The following OXLD1 variants were observed in gnomAD, a reference collection of about 807,000 sequenced individuals.
The protein encoded by OXLD1 is oxidoreductase-like domain-containing protein 1.
In OXLD1, 4 loss-of-function variants were observed where a neutral mutation model predicts 3.1. The observed-to-expected ratio is 1.28, with a 90% CI of 0.63 to 2.92. OXLD1 has a LOEUF of 2.92. OXLD1 is among the 30% of genes most tolerant of loss of function. The pLI is 0.01. For synonymous variants in OXLD1, 100 were observed against 87.0 expected (o/e 1.15, Z -0.83); for missense variants, 240 against 204.6 (o/e 1.17, Z -1.05).
rs2036627271 is a variant in OXLD1, at chr17:81,666,540, A to T, written c.38T>A (p.Val13Glu). Reference protein sequence around the residue: ...LRRVVEGGRAVAAAVRGSGAR... With the variant: ...LRRVVEGGRAEAAAVRGSGAR... ...TGCCGAGCCACGGACCGCGGCGGCT[A>T]CCGCCCGGCCTCCCTCGACCACCCT... is the stretch of plus-strand genomic sequence containing the variant. Residue 13 changes from valine (V) to glutamate (E), a missense_variant, in exon 1 of 2, where the codon GTA becomes GAA. Coordinates refer to ENST00000374741, the MANE Select transcript of OXLD1 (RefSeq NM_001039842.3). The T allele has an allele frequency of 1.3e-6, 2 of 1,520,260 alleles. No individual in the cohort carries two copies. Among genetic ancestry groups the T allele is most frequent in the Admixed American group, 2.0e-5 (1 of 50,054 alleles). The allele number at this position is 1,520,260 out of a possible 1,614,324, so 94.2% of individuals were successfully genotyped here.
intron 1 of OXLD1, 166 bp downstream of exon 1, chr17:81,666,352 G>A: frequency 1.3e-6 from 1 of 748,946 alleles, no homozygotes; most frequent in Non-Finnish European, 2.0e-6. Context: ...AGCCGATGGA[G>A]GAGAGGAGCG....
At chr17:81,666,128 C>T in intron 1 of OXLD1, 1 of 425,026 alleles carries the variant, frequency 2.4e-6, no homozygotes, top group Non-Finnish European at 4.2e-6. Flanking sequence ...TACCCAGGAT[C>T]ACGGACTGAC....
At position 81,665,147 on chromosome 17, in the gene OXLD1, G is replaced by A. The variant is rs888524357; in HGVS notation, c.*54C>T. On this transcript the variant is annotated 3_prime_UTR_variant, in exon 2 of 2. Coordinates refer to ENST00000374741, the MANE Select transcript of OXLD1 (RefSeq NM_001039842.3). The stretch of plus-strand genomic sequence containing the variant: ...CTGTGAGGGGGTGTGAAGGAAGGAG[G>A]CTGCGGCTGCGTCCTGGACTCCGTC... The A allele has an allele frequency of 1.3e-6, 2 of 1,530,784 alleles. No homozygotes were observed. Among genetic ancestry groups the A allele is most frequent in the Non-Finnish European group, 8.8e-7 (1 of 1,136,724 alleles). The allele number at this position is 1,530,784 out of a possible 1,614,324, so 94.8% of individuals were successfully genotyped here. A position where few individuals can be genotyped will look rare whatever the true frequency, so the allele number is the denominator to read the frequency against.
rs2036574476 is a variant in OXLD1, at chr17:81,665,213, C to T, written c.432G>A (p.Arg144=). 6.2e-7 allele frequency: 1 copy of T among 1,610,644 alleles called. No individual in the cohort carries two copies. Among genetic ancestry groups the T allele is most frequent in the Non-Finnish European group, 8.5e-7 (1 of 1,178,140 alleles). The change falls in exon 2 of 2, where the codon AGG becomes AGA. Residue 144 remains arginine, a synonymous_variant. Transcript: ENST00000374741. ...CAGCAGGGATGGCTCAGCCTCCGCA[C>T]CTGGTGTGCAGCCGGATCTCCATCC... ...FLRMEIRLHT[R]CGG
rs1437059129 is a variant in OXLD1, at chr17:81,665,312, G to A, written c.333C>T (p.Phe111=). ...CCAGGGCCCGCTCCCCACCGTCCTGGAAGTGCTGCAGCAGCCTGTCCGCGT... is the reference window on the plus strand; with the variant it reads ...CCAGGGCCCGCTCCCCACCGTCCTGAAAGTGCTGCAGCAGCCTGTCCGCGT... The part of the protein sequence containing the change: ...VEYADRLLQH[F]QDGGERALAA... The change falls in exon 2 of 2, where the codon TTC becomes TTT. Residue 111 remains phenylalanine, a synonymous_variant. Coordinates refer to ENST00000374741, the MANE Select transcript of OXLD1 (RefSeq NM_001039842.3). 3 of 1,613,542 alleles carry A rather than the reference G, an allele frequency of 1.9e-6. No individual in the cohort carries two copies. Among genetic ancestry groups the A allele is most frequent in the Non-Finnish European group, 2.5e-6 (3 of 1,180,032 alleles).
chr17:81,665,878 C>T (rs1305660466), intron 1 of OXLD1: 3 of 473,994 alleles, frequency 6.3e-6, no homozygotes, highest in East Asian at 7.2e-5. Context: ...CACTCGACAC[C>T]TCCAGCTAAG....
intron 1 of OXLD1, 92 bp from the exon 2 acceptor site, chr17:81,665,676 G>A: frequency 7.0e-7 from 1 of 1,418,996 alleles, no homozygotes; most frequent in South Asian, 1.4e-5. Flanking sequence ...TCCTGTCATT[G>A]GGCAACTGGC....
At position 81,665,083 on chromosome 17, in the gene OXLD1, A is replaced by G; in HGVS notation, c.*118T>C. The G allele has an allele frequency of 7.8e-7, 1 of 1,283,602 alleles. No homozygotes were observed. Among genetic ancestry groups the G allele is most frequent in the Non-Finnish European group, 1.1e-6 (1 of 943,712 alleles). 79.5% of individuals were successfully genotyped at this position (1,283,602 alleles called of 1,614,324 possible). ...ATTTATTTTTTTCTCAGGTGAAGTC[A>G]GTAACTAATTCTTCCTATTCCCGTT... is the stretch of plus-strand genomic sequence containing the variant. On this transcript the variant is annotated 3_prime_UTR_variant, in exon 2 of 2. Transcript: ENST00000374741.
At chr17:81,666,305 G>T in intron 1 of OXLD1, 1 of 531,440 alleles carries the variant, frequency 1.9e-6, no homozygotes, top group Middle Eastern at 3.4e-4. Flanking sequence ...AAGGCTAAGC[G>T]GCCCCTCCAC....
At position 81,666,522 on chromosome 17, in the gene OXLD1, C is replaced by A; in HGVS notation, c.56G>T (p.Gly19Val). The A allele has an allele frequency of 6.6e-7, 1 of 1,524,850 alleles. No homozygotes were observed. The highest frequency in any genetic ancestry group is 2.0e-5 in the Admixed American group (1 of 50,356). The allele number at this position is 1,524,850 out of a possible 1,614,324, so 94.5% of individuals were successfully genotyped here. The change falls in exon 1 of 2, where the codon GGC becomes GTC. Residue 19 changes from glycine (G) to valine (V), a missense_variant. Physicochemically the swap from Gly to Val is moderately radical, Grantham distance 109. Transcript: ENST00000374741. ...AAGACCCGTCCTGGTACTTGCCGAG[C>A]CACGGACCGCGGCGGCTACCGCCCG... ...GGRAVAAAVR[G>V]SGARRFSSPD...
rs137869680 is a variant in OXLD1, at chr17:81,665,217, G to A, written c.428C>T (p.Thr143Ile). The A allele has an allele frequency of 7.4e-6, 12 of 1,611,462 alleles. No individual in the cohort carries two copies. Among genetic ancestry groups the A allele is most frequent in the African/African-American group, 4.0e-5 (3 of 75,030 alleles). Reference protein sequence around the residue: ...AFLRMEIRLHTRCGG With the variant: ...AFLRMEIRLHIRCGG The stretch of plus-strand genomic sequence containing the variant: ...AGGGATGGCTCAGCCTCCGCACCTG[G>A]TGTGCAGCCGGATCTCCATCCTGAG... Residue 143 changes from threonine to isoleucine, a missense_variant, in exon 2 of 2, where the codon ACC becomes ATC. Transcript: ENST00000374741.
chr17:81,665,812 G>A (rs1431789691), intron 1 of OXLD1: 2 of 575,640 alleles, frequency 3.5e-6, no homozygotes, highest in East Asian at 3.1e-5. Flanking sequence ...AGAAGTGCCA[G>A]GATCAGGGCC....
At position 81,665,443 on chromosome 17, in the gene OXLD1, C is replaced by T; in HGVS notation, c.202G>A (p.Ala68Thr). The change falls in exon 2 of 2, where the codon GCA (alanine) becomes ACA (threonine). Residue 68 changes from alanine to threonine, a missense_variant. Physicochemically the swap from Ala to Thr is moderately conservative, Grantham distance 58. Transcript: ENST00000374741. ...GGCGGCCTGGTGCCGTCCGCACCTG[C>T]TTGGGAGCCCACCTCTACGTGGTCT... is the stretch of plus-strand genomic sequence containing the variant. ...GTDHVEVGSQ[A>T]GADGTRPPKA... 6.2e-7 allele frequency: 1 copy of T among 1,613,520 alleles called. No individual in the cohort carries two copies. Among genetic ancestry groups the T allele is most frequent in the African/African-American group, 1.3e-5 (1 of 75,060 alleles).
In OXLD1 at chr17:81,665,238, C is replaced by T; in HGVS notation, c.407G>A (p.Arg136Lys). ...CCTGGTGTGCAGCCGGATCTCCATC[C>T]TGAGGAAGGCCTTGAGGTTCTCATC... ...VADENLKAFL[R>K]MEIRLHTRCG... Residue 136 changes from arginine (R) to lysine (K), a missense_variant, in exon 2 of 2, where the codon AGG (arginine) becomes AAG (lysine). Arg to Lys is a conservative substitution (Grantham distance 26). Coordinates refer to ENST00000374741, the MANE Select transcript of OXLD1 (RefSeq NM_001039842.3). 3 of 1,613,162 alleles carry T rather than the reference C, an allele frequency of 1.9e-6. No homozygotes were observed. Among genetic ancestry groups the T allele is most frequent in the Non-Finnish European group, 2.5e-6 (3 of 1,179,744 alleles).
chr17:81,666,497 A>G, intron 1 of OXLD1, 21 bp downstream of exon 1: 1 of 1,534,596 alleles, frequency 6.5e-7, no homozygotes, highest in South Asian at 1.2e-5. Flanking sequence ...CGGCGCTGCC[A>G]AGACCCGTCC....
At chr17:81,666,447 C>A in intron 1 of OXLD1, 71 bp downstream of exon 1, 2 of 1,498,900 alleles carry the variant, frequency 1.3e-6, no homozygotes, top group Non-Finnish European at 1.8e-6. Context: ...CCTCCCGGTA[C>A]GTGCGGGCCC....
Position 81,665,593 on chromosome 17 carries a change from GCAGA to G in OXLD1, c.61-13_61-10del. On this transcript the variant is annotated splice_polypyrimidine_tract_variant and intron_variant, in intron 1 of 1. Transcript: ENST00000374741. ...GAGAACCGGCGAGCCCCCTGAGGAT[GCAGA>G]CAAACATGTGACTCTCCAGGAAGCT... 6.4e-7 allele frequency: 1 copy of G among 1,569,642 alleles called. No individual in the cohort carries two copies. The highest frequency in any genetic ancestry group is 8.7e-7 in the Non-Finnish European group (1 of 1,155,288).
At chr17:81,666,246 G>A in intron 1 of OXLD1, 1 of 491,582 alleles carries the variant, frequency 2.0e-6, no homozygotes, top group Non-Finnish European at 3.6e-6. Flanking sequence ...GCGCTCGGCA[G>A]ATACTGAGAA....
rs754964325 is a variant in OXLD1 at position 81,666,600 on chromosome 17, A to C, written c.-23T>G. ...CATCGCCCGCGGACGGGATCCGGCA[A>C]CCCCTGACCGTGAGCGGCGGGCGCT... On this transcript the variant is annotated 5_prime_UTR_variant, in exon 1 of 2. Coordinates refer to ENST00000374741, the MANE Select transcript of OXLD1 (RefSeq NM_001039842.3). 6.0e-5 allele frequency: 84 copies of C among 1,407,106 alleles called. No individual in the cohort carries two copies. Among genetic ancestry groups the C allele is most frequent in the Non-Finnish European group, 6.8e-5 (74 of 1,080,340 alleles). 87.2% of individuals were successfully genotyped at this position (1,407,106 alleles called of 1,614,324 possible). A position where few individuals can be genotyped will look rare whatever the true frequency, so the allele number is the denominator to read the frequency against.
Sources: allele counts gnomAD v4.1 joint callset, GRCh38; gene constraint gnomAD v4.1.1; transcripts MANE v1.5; gene names NCBI Gene and HGNC (gene_info 2026-07-23, HGNC 2026-07-21).